Variants in GRIK3 observed in about 807,000 individuals in gnomAD.
The protein encoded by GRIK3 is glutamate receptor ionotropic, kainate 3.
Under a neutral mutation model 102.5 loss-of-function variants are expected in GRIK3, and 29 were observed. The observed-to-expected ratio is 0.28, with a 90% confidence interval of 0.21 to 0.39. The LOEUF (loss-of-function observed/expected upper bound fraction) is 0.39. GRIK3 is among the 10% of genes least tolerant of loss of function. GRIK3 has a pLI of 1.00. For synonymous variants in GRIK3, 511 were observed against 504.9 expected (o/e 1.01, Z -0.16); for missense variants, 908 against 1,252.4 (o/e 0.73, Z 4.15).
chr1:36,969,367 G>T (rs1162215611), intron 1 of GRIK3, among the ~76,000 whole-genome samples: 2 of 152,222 alleles, frequency 1.3e-5, no homozygotes, highest in African/African-American at 4.8e-5. Context: ...CTGCCACCTG[G>T]GAGCAGAGTT....
chr1:36,891,879 A>G (rs574573152), intron 1 of GRIK3, among the ~76,000 whole-genome samples: 1 of 152,380 alleles, frequency 6.6e-6, no homozygotes, highest in Non-Finnish European at 1.5e-5. Context: ...AGTTAGCACA[A>G]ATTAATAGTG....
At position 36,798,825 on chromosome 1, in the gene GRIK3, C is replaced by T. The variant is rs553599786; in HGVS notation, c.*3026G>A. 2.6e-5 allele frequency: 4 copies of T among 152,366 alleles called. No individual in the cohort carries two copies. Among genetic ancestry groups the T allele is most frequent in the African/African-American group, 9.6e-5 (4 of 41,588 alleles). 9.4% of individuals were successfully genotyped at this position (152,366 alleles called of 1,614,324 possible). A position where few individuals can be genotyped will look rare whatever the true frequency, so the allele number is the denominator to read the frequency against. On this transcript the variant is annotated 3_prime_UTR_variant, in exon 16 of 16. Coordinates refer to ENST00000373091, the MANE Select transcript of GRIK3 (RefSeq NM_000831.4). ...TGCCCTCCTGCTTCCACACAGGAGT[C>T]TAAAGACCAGTCGGTACATTTTGGG...
chr1:37,028,377 T>C (rs115451359), intron 1 of GRIK3, among the ~76,000 whole-genome samples: 1,778 of 152,024 alleles, frequency 0.012, 25 homozygotes, highest in African/African-American at 0.039. Context: ...AGGGCTTAGA[T>C]TAAAGCCTCA....
intron 1 of GRIK3, among the ~76,000 whole-genome samples, chr1:37,003,195 A>G (rs1480084061): frequency 6.6e-6 from 1 of 152,154 alleles, no homozygotes; most frequent in Non-Finnish European, 1.5e-5. Flanking sequence ...TGCTGCTAAG[A>G]AATATAAACT....
At chr1:36,805,861 G>A (rs1306816792) in intron 14 of GRIK3, among the ~76,000 whole-genome samples, 7 of 150,012 alleles carry the variant, frequency 4.7e-5, no homozygotes, top group Admixed American at 2.7e-4. Flanking sequence ...TCTTGAACCC[G>A]GGAGGTGGAG....
chr1:37,009,249 G>A (rs1379802020), intron 1 of GRIK3, among the ~76,000 whole-genome samples: 1 of 152,228 alleles, frequency 6.6e-6, no homozygotes, highest in Non-Finnish European at 1.5e-5. Flanking sequence ...TTCAGAATGA[G>A]TGGGAACAAG....
intron 1 of GRIK3, among the ~76,000 whole-genome samples, chr1:36,932,013 G>A (rs1362251396): frequency 2.0e-5 from 3 of 152,122 alleles, no homozygotes; most frequent in Admixed American, 6.5e-5. Flanking sequence ...TATCTGACCT[G>A]AAGCTCACTG....
At chr1:36,814,552 C>T (rs543578070) in intron 13 of GRIK3, among the ~76,000 whole-genome samples, 1 of 141,890 alleles carries the variant, frequency 7.0e-6, no homozygotes, top group African/African-American at 2.6e-5. Context: ...ATGCATGGGC[C>T]ATTATACACA....
intron 1 of GRIK3, among the ~76,000 whole-genome samples, chr1:36,989,375 A>AGAGGAG (rs941209338): frequency 5.3e-5 from 8 of 151,892 alleles, no homozygotes; most frequent in African/African-American, 1.9e-4. Context: ...TCCAGCTGGC[A>AGAGGAG]GAGGAGGAGG....
chr1:36,942,864 G>A (rs1490965228), intron 1 of GRIK3, among the ~76,000 whole-genome samples: 1 of 152,124 alleles, frequency 6.6e-6, no homozygotes, highest in Non-Finnish European at 1.5e-5. Context: ...TGCTAACCCT[G>A]GGGAAGTGGG....
chr1:36,914,399 C>T (rs1641377594), intron 1 of GRIK3, among the ~76,000 whole-genome samples: 1 of 152,192 alleles, frequency 6.6e-6, no homozygotes, highest in Non-Finnish European at 1.5e-5. Flanking sequence ...TTCTTTTCTG[C>T]AGGACTTCTC....
At chr1:37,000,783 G>A (rs1040691559) in intron 1 of GRIK3, among the ~76,000 whole-genome samples, 14 of 152,134 alleles carry the variant, frequency 9.2e-5, no homozygotes, top group African/African-American at 3.4e-4. Flanking sequence ...ATCAGAAAGG[G>A]CATTCAGAGG....
intron 1 of GRIK3, among the ~76,000 whole-genome samples, chr1:37,031,872 A>G (rs1642832024): frequency 6.6e-6 from 1 of 151,918 alleles, no homozygotes; most frequent in Admixed American, 6.6e-5. Flanking sequence ...AAGGACAGAA[A>G]CTCAGCTCCC....
At chr1:37,029,080 G>T (rs1472474457) in intron 1 of GRIK3, among the ~76,000 whole-genome samples, 1 of 151,148 alleles carries the variant, frequency 6.6e-6, no homozygotes, top group African/African-American at 2.5e-5. Flanking sequence ...TGCGGTGGCC[G>T]TCTCAGCACA....
chr1:36,868,693 T>G (rs1417032731), intron 5 of GRIK3, among the ~76,000 whole-genome samples: 1 of 152,242 alleles, frequency 6.6e-6, no homozygotes, highest in Non-Finnish European at 1.5e-5. Context: ...CTAACTTGCC[T>G]CTTGGCCTTT....
At chr1:36,897,898 C>A (rs916985823) in intron 1 of GRIK3, among the ~76,000 whole-genome samples, 1 of 152,126 alleles carries the variant, frequency 6.6e-6, no homozygotes, top group African/African-American at 2.4e-5. Flanking sequence ...ACCTACATGT[C>A]CATCAACAGA....
rs556512558 is a variant in GRIK3 at position 36,932,317 on chromosome 1, T to C, written c.116-41221A>G. On this transcript the variant is annotated intron_variant, in intron 1 of 15. Transcript: ENST00000373091. ...GCCCTTGGTTTTGGTTAGTGCCCAA[T>C]CGTAGAAACCTGGTGAATGCCACTC... Among the ~76,000 whole-genome samples, 8 of 152,300 alleles carry C rather than the reference T, an allele frequency of 5.3e-5. No homozygotes were observed. The South Asian group carries it at 1.7e-3, about 32-fold the overall frequency.
In GRIK3 at chr1:36,796,031, T is replaced by G. The variant is rs1248825973; in HGVS notation, c.*5820A>C. 1 of 152,320 alleles carries G rather than the reference T, an allele frequency of 6.6e-6. No individual in the cohort carries two copies. The highest frequency in any genetic ancestry group is 1.5e-5 in the Non-Finnish European group (1 of 68,112). The allele number at this position is 152,320 out of a possible 1,614,324, so 9.4% of individuals were successfully genotyped here. On this transcript the variant is annotated 3_prime_UTR_variant, in exon 16 of 16. Transcript: ENST00000373091. ...CTACGGAACCAAGACAGGATGCTCC[T>G]CATGGGGCTGGAGTCAGGCGTGCTT...
chr1:36,812,106 G>C (rs556316003), intron 13 of GRIK3, among the ~76,000 whole-genome samples: 1 of 152,266 alleles, frequency 6.6e-6, no homozygotes, highest in African/African-American at 2.4e-5. Flanking sequence ...GATGGGTCAG[G>C]AGAAGCTGGA....
Sources: gnomAD v4.1 joint callset for allele counts (sites outside exome capture counted in the v4.1 genomes callset) on GRCh38, gnomAD v4.1.1 for gene constraint, MANE v1.5 for transcripts, NCBI Gene and HGNC (gene_info 2026-07-23, HGNC 2026-07-21) for gene names.